Variants in NUP37 observed in about 807,000 individuals in gnomAD.
NUP37 encodes the protein nucleoporin 37.
A neutral mutation model predicts 45.4 loss-of-function variants in NUP37; 33 were observed. The ratio of observed to expected loss-of-function variants is 0.73; its 90% CI spans 0.55 to 0.97. NUP37 has a LOEUF of 0.97. Ranked by LOEUF, NUP37 falls within the 50% of genes least tolerant of loss-of-function variation. NUP37 has a pLI of 0.00. For missense variants in NUP37, 365 were observed against 389.7 expected (o/e 0.94, Z 0.53); for synonymous variants, 127 against 130.7 (o/e 0.97, Z 0.19).
chr12:102,074,605 G>A (rs946910934), intron 9 of NUP37, 138 bp from the exon 10 acceptor site: 7 of 592,724 alleles, frequency 1.2e-5, no homozygotes, highest in African/African-American at 1.9e-5. Flanking sequence ...CTCCCTTACA[G>A]GTGAAATACA....
chr12:102,078,868 T>C (rs1225837059), intron 6 of NUP37, among the ~76,000 whole-genome samples: 30 of 152,314 alleles, frequency 2.0e-4, no homozygotes, highest in Non-Finnish European at 4.4e-5. Flanking sequence ...ACAAATTAAT[T>C]ATAATATAAA....
chr12:102,118,681 G>A (rs1188451170), intron 1 of NUP37, 98 bp from the exon 2 acceptor site: 4 of 573,274 alleles, frequency 7.0e-6, no homozygotes, highest in African/African-American at 1.9e-5. Flanking sequence ...GAGACAGAAA[G>A]CTCAAAAGAA....
intron 3 of NUP37, 31 bp from the exon 4 acceptor site, chr12:102,101,135 T>A (rs1292908209): frequency 7.2e-7 from 1 of 1,393,396 alleles, no homozygotes; most frequent in African/African-American, 1.5e-5. Flanking sequence ...ATATACCAAT[T>A]TTTAGCCTTT....
chr12:102,112,357 C>T (rs1880341680), intron 2 of NUP37, 125 bp from the exon 3 acceptor site: 1 of 688,916 alleles, frequency 1.5e-6, no homozygotes, highest in Admixed American at 3.6e-5. Flanking sequence ...AAGCAAATTA[C>T]ATATTAAGAT....
At chr12:102,110,278 T>C (rs1168028990) in intron 3 of NUP37, among the ~76,000 whole-genome samples, 1 of 152,034 alleles carries the variant, frequency 6.6e-6, no homozygotes, top group Non-Finnish European at 1.5e-5. Context: ...GGTAGGTGAA[T>C]TGCTCGAGCC....
intron 5 of NUP37, among the ~76,000 whole-genome samples, chr12:102,094,950 G>A (rs1879760656): frequency 6.6e-6 from 1 of 152,030 alleles, no homozygotes; most frequent in African/African-American, 2.4e-5. Context: ...AAAGATTATT[G>A]AGGGATGAGG....
intron 1 of NUP37, 121 bp from the exon 2 acceptor site, chr12:102,118,704 C>G (rs1880570706): frequency 1.9e-6 from 1 of 534,854 alleles, no homozygotes; most frequent in South Asian, 3.0e-5. Context: ...ATTTAAAGTA[C>G]TTATCAAGGG....
chr12:102,082,784 G>C (rs1413206397), intron 6 of NUP37, among the ~76,000 whole-genome samples: 1 of 152,156 alleles, frequency 6.6e-6, no homozygotes, highest in Non-Finnish European at 1.5e-5. Context: ...AAAGAGTAAA[G>C]AGCCAAAGAC....
rs141844079 is a variant in NUP37 at position 102,086,044 on chromosome 12, T to C, written c.450-188A>G. Among the ~76,000 whole-genome samples the C allele has an allele frequency of 2.5e-3, 381 of 152,298 alleles. 3 individuals are homozygous for C. Among genetic ancestry groups the C allele is most frequent in the African/African-American group, 8.9e-3 (369 of 41,570 alleles). The stretch of plus-strand genomic sequence containing the variant: ...TAATATGAAAGTAGGATGAAGAATT[T>C]AAATTTTACCATAATCATGGACAAA... On this transcript the variant is annotated intron_variant, in intron 5 of 9. Transcript: ENST00000552283.
intron 5 of NUP37, among the ~76,000 whole-genome samples, chr12:102,089,682 G>A (rs913062520): frequency 2.0e-5 from 3 of 147,442 alleles, no homozygotes; most frequent in African/African-American, 7.6e-5. Flanking sequence ...CCCAGACGGG[G>A]CAGCCGGGCA....
chr12:102,093,882 T>C (rs745697360), intron 5 of NUP37, among the ~76,000 whole-genome samples: 4 of 152,102 alleles, frequency 2.6e-5, no homozygotes, highest in African/African-American at 4.8e-5. Flanking sequence ...ATATATTTTA[T>C]TAAGCACTTG....
chr12:102,119,250 A>C (rs1462243451), intron 1 of NUP37: 1 of 152,242 alleles, frequency 6.6e-6, no homozygotes, highest in Non-Finnish European at 1.5e-5. Context: ...TGTGTGATAT[A>C]AAAATAATGT....
At chr12:102,095,841 C>T (rs543158974) in intron 5 of NUP37, among the ~76,000 whole-genome samples, 1 of 152,166 alleles carries the variant, frequency 6.6e-6, no homozygotes, top group East Asian at 1.9e-4. Context: ...AACTGTAGAT[C>T]TGCTCAGCGC....
chr12:102,096,702 G>A (rs190107302), intron 5 of NUP37, among the ~76,000 whole-genome samples: 2 of 152,130 alleles, frequency 1.3e-5, no homozygotes, highest in East Asian at 3.9e-4. Context: ...ATGTGATATT[G>A]TAAGAATCTT....
intron 5 of NUP37, among the ~76,000 whole-genome samples, chr12:102,088,758 G>C (rs58978105): frequency 6.7e-6 from 1 of 149,050 alleles, no homozygotes; most frequent in Non-Finnish European, 1.5e-5. Flanking sequence ...GTTTCTCGGA[G>C]AGGGGGATGT....
chr12:102,119,814 C>T (rs900486830), intron 1 of NUP37, among the ~76,000 whole-genome samples: 1 of 152,116 alleles, frequency 6.6e-6, no homozygotes, highest in South Asian at 2.1e-4. Flanking sequence ...TCACCGTACA[C>T]GTTGGACAGG....
intron 3 of NUP37, among the ~76,000 whole-genome samples, chr12:102,101,421 A>C (rs556586567): frequency 1.3e-5 from 2 of 152,330 alleles, no homozygotes; most frequent in South Asian, 2.1e-4. Context: ...ACGTTTTCTT[A>C]AAAGCATAAA....
chr12:102,079,350 G>A (rs1374533464), intron 6 of NUP37: 6 of 410,204 alleles, frequency 1.5e-5, no homozygotes, highest in African/African-American at 2.1e-5. Flanking sequence ...CATCTAACAG[G>A]CTTTTACTGA....
intron 5 of NUP37, among the ~76,000 whole-genome samples, chr12:102,090,495 CTTA>C: frequency 6.6e-6 from 1 of 152,094 alleles, no homozygotes. Flanking sequence ...TAAACCCATG[CTTA>C]TTAATGTAAT....
Sources: gnomAD v4.1 joint callset for allele counts (sites outside exome capture counted in the v4.1 genomes callset) on GRCh38, gnomAD v4.1.1 for gene constraint, MANE v1.5 for transcripts, NCBI Gene and HGNC (gene_info 2026-07-23, HGNC 2026-07-21) for gene names.